TRAPPC9: variants seen among roughly 807,000 people sequenced by gnomAD.
The protein encoded by TRAPPC9 is trafficking protein particle complex subunit 9, also known as IKK2 binding protein.
Under a neutral mutation model 124.0 loss-of-function variants are expected in TRAPPC9, and 83 were observed. That is an observed-to-expected ratio of 0.67 (90% CI 0.56 to 0.80). The LOEUF (loss-of-function observed/expected upper bound fraction) is 0.80. TRAPPC9 is among the 30% of genes least tolerant of loss of function. TRAPPC9 has a pLI of 0.00. For synonymous variants in TRAPPC9, 638 were observed against 617.5 expected (o/e 1.03, Z -0.49); for missense variants, 1,302 against 1,508.3 (o/e 0.86, Z 2.27).
intron 17 of TRAPPC9, among the ~76,000 whole-genome samples, chr8:140,127,664 G>C (rs2061123331): frequency 6.6e-6 from 1 of 152,192 alleles, no homozygotes; most frequent in Non-Finnish European, 1.5e-5. Flanking sequence ...ACATATTCCA[G>C]AAATAATTTC....
chr8:140,075,181 C>T (rs1843431924), intron 17 of TRAPPC9, among the ~76,000 whole-genome samples: 1 of 152,208 alleles, frequency 6.6e-6, no homozygotes, highest in Non-Finnish European at 1.5e-5. Flanking sequence ...TCTTTGCCTT[C>T]TAGGCCCTGC....
chr8:140,286,111 G>C (rs939175619), intron 13 of TRAPPC9, among the ~76,000 whole-genome samples: 2 of 152,252 alleles, frequency 1.3e-5, no homozygotes, highest in African/African-American at 4.8e-5. Context: ...CCCGGAGGAA[G>C]GAAAGCCTGT....
intron 17 of TRAPPC9, among the ~76,000 whole-genome samples, chr8:140,090,637 A>T (rs995680344): frequency 6.6e-6 from 1 of 152,212 alleles, no homozygotes; most frequent in African/African-American, 2.4e-5. Context: ...CCCTTAGCAC[A>T]CTTCATGGCT....
chr8:139,896,920 C>G (rs911316936), intron 20 of TRAPPC9, among the ~76,000 whole-genome samples: 6 of 152,324 alleles, frequency 3.9e-5, no homozygotes, highest in African/African-American at 1.2e-4. Flanking sequence ...AGGTTTTTAC[C>G]CCCACCATTC....
At chr8:139,746,623 A>C (rs1818912617) in intron 21 of TRAPPC9, among the ~76,000 whole-genome samples, 1 of 152,224 alleles carries the variant, frequency 6.6e-6, no homozygotes, top group Non-Finnish European at 1.5e-5. Context: ...GTGAGCGCCA[A>C]AAAGCTGCCT....
At chr8:140,309,686 A>C (rs944115824) in intron 10 of TRAPPC9, among the ~76,000 whole-genome samples, 5 of 152,278 alleles carry the variant, frequency 3.3e-5, no homozygotes, top group African/African-American at 1.2e-4. Flanking sequence ...AAAATGAATC[A>C]TGCCCTTAAT....
intron 17 of TRAPPC9, among the ~76,000 whole-genome samples, chr8:140,129,574 G>T (rs542353908): frequency 2.0e-5 from 3 of 151,578 alleles, no homozygotes; most frequent in African/African-American, 7.2e-5. Flanking sequence ...GTCCACACAG[G>T]GGGCAGGGGG....
chr8:140,402,884 C>A (rs898838359), intron 6 of TRAPPC9, among the ~76,000 whole-genome samples: 1 of 151,572 alleles, frequency 6.6e-6, no homozygotes, highest in Non-Finnish European at 1.5e-5. Context: ...CATTGTGGTG[C>A]GACAATGAGG....
At chr8:139,757,054 G>A (rs1430356156) in intron 21 of TRAPPC9, among the ~76,000 whole-genome samples, 3 of 133,940 alleles carry the variant, frequency 2.2e-5, no homozygotes, top group African/African-American at 8.6e-5. Context: ...AGGAGCCAGG[G>A]TTTGGGGATG....
intron 21 of TRAPPC9, among the ~76,000 whole-genome samples, chr8:139,872,432 G>GA (rs1829001308): frequency 8.2e-5 from 11 of 134,940 alleles, no homozygotes; most frequent in African/African-American, 1.2e-4. Flanking sequence ...GGATGGGCTG[G>GA]TGGATGGGTT....
At chr8:139,801,830 A>T (rs1416459183) in intron 21 of TRAPPC9, among the ~76,000 whole-genome samples, 1 of 152,176 alleles carries the variant, frequency 6.6e-6, no homozygotes, top group Non-Finnish European at 1.5e-5. Context: ...GGATTTGCGG[A>T]GCATGCAAAC....
intron 17 of TRAPPC9, among the ~76,000 whole-genome samples, chr8:140,164,507 C>T (rs748458502): frequency 8.5e-5 from 13 of 152,240 alleles, no homozygotes; most frequent in Non-Finnish European, 1.6e-4. Flanking sequence ...ATCCCTCAGA[C>T]GCTGGGATGC....
chr8:140,014,772 G>A (rs1839357060), intron 18 of TRAPPC9, among the ~76,000 whole-genome samples: 4 of 152,114 alleles, frequency 2.6e-5, no homozygotes, highest in Admixed American at 2.0e-4. Context: ...TTCCACTCAC[G>A]AACGCACAGG....
At chr8:140,073,752 T>C (rs371299890) in intron 17 of TRAPPC9, among the ~76,000 whole-genome samples, 1 of 152,198 alleles carries the variant, frequency 6.6e-6, no homozygotes, top group African/African-American at 2.4e-5. Flanking sequence ...GATGGTGACC[T>C]GGGTAGGGAT....
Position 140,089,922 on chromosome 8 carries a change from A to AT in TRAPPC9, c.2557-65844dup, listed in dbSNP as rs753217786. On this transcript the variant is annotated intron_variant, in intron 17 of 22. Coordinates refer to ENST00000438773, the MANE Select transcript of TRAPPC9 (RefSeq NM_001160372.4). ...GTAAAACCCTGTCTCTACTAAAAAT[A>AT]TAAAAAAAGTAGCTGGGTGTGGCGG... Among the ~76,000 whole-genome samples the AT allele has an allele frequency of 6.6e-5, 10 of 152,086 alleles. No individual in the cohort carries two copies. In the East Asian group the frequency reaches 1.7e-3, roughly 27 times the overall value.
At chr8:140,101,069 TTTC>T (rs1218215223) in intron 17 of TRAPPC9, among the ~76,000 whole-genome samples, 2 of 152,262 alleles carry the variant, frequency 1.3e-5, no homozygotes, top group Admixed American at 6.5e-5. Flanking sequence ...CCATTTATGT[TTTC>T]TTATTTGTCC....
At chr8:140,162,560 G>A (rs955021607) in intron 17 of TRAPPC9, among the ~76,000 whole-genome samples, 3 of 152,126 alleles carry the variant, frequency 2.0e-5, no homozygotes, top group Non-Finnish European at 4.4e-5. Context: ...AAACTATATC[G>A]CCTGTCCACG....
rs35064399 is a variant in TRAPPC9 at position 139,820,007 on chromosome 8, C to CAA, written c.3055+65870_3055+65871dup. Among the ~76,000 whole-genome samples the CAA allele has an allele frequency of 6.8e-3, 353 of 51,690 alleles. 1 individual carries two copies. Among genetic ancestry groups the CAA allele is most frequent in the African/African-American group, 9.5e-3 (117 of 12,252 alleles). 33.9% of individuals were successfully genotyped at this position (51,690 alleles called of 152,430 possible). A position where few individuals can be genotyped will look rare whatever the true frequency, so the allele number is the denominator to read the frequency against. ...TGGGCGACAGAGTAAGACTCTGTCTCAAAAAAAAAAAAAAAAAAAAAAAAG... is the reference window on the plus strand; with the variant it reads ...TGGGCGACAGAGTAAGACTCTGTCTCAAAAAAAAAAAAAAAAAAAAAAAAAAG... On this transcript the variant is annotated intron_variant, in intron 21 of 22. Transcript: ENST00000438773.
At chr8:140,281,106 A>G (rs2065305886) in intron 14 of TRAPPC9, among the ~76,000 whole-genome samples, 1 of 152,230 alleles carries the variant, frequency 6.6e-6, no homozygotes, top group African/African-American at 2.4e-5. Flanking sequence ...ACACTCGCAC[A>G]CAGGTTTCTG....
Sources: gnomAD v4.1 joint callset for allele counts (sites outside exome capture counted in the v4.1 genomes callset) on GRCh38, gnomAD v4.1.1 for gene constraint, MANE v1.5 for transcripts, NCBI Gene and HGNC (gene_info 2026-07-23, HGNC 2026-07-21) for gene names.